The following PPFIBP2 variants were observed in gnomAD, a reference collection of about 807,000 sequenced individuals.
PPFIBP2 encodes the protein PPFIB scaffold protein 2.
Under a neutral mutation model 118.3 loss-of-function variants are expected in PPFIBP2, and 118 were observed. The observed-to-expected ratio is 1.00, with a 90% confidence interval of 0.86 to 1.16. The LOEUF (loss-of-function observed/expected upper bound fraction) is 1.16, where lower values mean the gene tolerates loss of function less well. Ranked by LOEUF, PPFIBP2 falls within the 50% of genes most tolerant of loss-of-function variation. The pLI, the probability that PPFIBP2 is intolerant of heterozygous loss-of-function variation, is 0.00. For missense variants in PPFIBP2, 1,195 were observed against 1,073.1 expected, an observed-to-expected ratio of 1.11 and a Z score of -1.59; for synonymous variants, 414 against 397.4, an observed-to-expected ratio of 1.04 and a Z score of -0.50.
At position 7,641,626 on chromosome 11, in the gene PPFIBP2, T is replaced by C; in HGVS notation, c.1517+6T>C. Reference sequence around the variant, plus strand: ...ATTAAGAAGTTCTGGGGAAAGTAAGTTGGTGCCGTTGATCCTAATTATATT... The same window carrying C: ...ATTAAGAAGTTCTGGGGAAAGTAAGCTGGTGCCGTTGATCCTAATTATATT... On this transcript the variant is annotated splice_donor_region_variant and intron_variant, in intron 16 of 23. Coordinates refer to ENST00000299492, the MANE Select transcript of PPFIBP2 (RefSeq NM_003621.5). The C allele has an allele frequency of 1.2e-6, 2 of 1,613,498 alleles. No individual in the cohort carries two copies. Among genetic ancestry groups the C allele is most frequent in the Non-Finnish European group, 1.7e-6 (2 of 1,179,532 alleles).
intron 2 of PPFIBP2, among the ~76,000 whole-genome samples, chr11:7,562,052 A>C (rs1047460157): frequency 1.3e-5 from 2 of 152,208 alleles, no homozygotes; most frequent in African/African-American, 4.8e-5. Flanking sequence ...GGAGTGAGCA[A>C]CCTAGATCCC....
At chr11:7,638,789 T>C (rs1851758778) in intron 14 of PPFIBP2, among the ~76,000 whole-genome samples, 1 of 152,198 alleles carries the variant, frequency 6.6e-6, no homozygotes, top group Non-Finnish European at 1.5e-5. Flanking sequence ...AGAGAGGCCA[T>C]TGTATGCCTC....
At chr11:7,519,532 A>C (rs978090674) in intron 1 of PPFIBP2, among the ~76,000 whole-genome samples, 1 of 152,218 alleles carries the variant, frequency 6.6e-6, no homozygotes, top group African/African-American at 2.4e-5. Flanking sequence ...AATTGCAAAA[A>C]AAGAAAAGGC....
chr11:7,666,820 C>T, the PPFIBP2 span: 4 of 313,634 alleles, frequency 1.3e-5, no homozygotes, highest in Admixed American at 4.5e-5. Flanking sequence ...CTAGAAGGAC[C>T]TTAGCCAAGC....
At chr11:7,559,453 G>T (rs1854049953) in intron 2 of PPFIBP2, among the ~76,000 whole-genome samples, 1 of 152,108 alleles carries the variant, frequency 6.6e-6, no homozygotes, top group African/African-American at 2.4e-5. Flanking sequence ...TGGGCTTTAG[G>T]TGTTGCACTA....
intron 2 of PPFIBP2, among the ~76,000 whole-genome samples, chr11:7,558,712 C>A (rs9988911): frequency 6.6e-6 from 1 of 150,978 alleles, no homozygotes; most frequent in Non-Finnish European, 1.5e-5. Flanking sequence ...GCTGAGATCA[C>A]GCCACTGCAC....
chr11:7,641,845 A>G, intron 16 of PPFIBP2: 1 of 561,350 alleles, frequency 1.8e-6, no homozygotes, highest in Non-Finnish European at 3.1e-6. Flanking sequence ...CATGCATCCT[A>G]AGCACCCACC....
At position 7,634,566 on chromosome 11, in the gene PPFIBP2, C is replaced by T. The variant is rs777523155; in HGVS notation, c.1194+14C>T. 6.2e-7 allele frequency: 1 copy of T among 1,606,780 alleles called. No homozygotes were observed. Among genetic ancestry groups the T allele is most frequent in the South Asian group, 1.1e-5 (1 of 90,930 alleles). On this transcript the variant is annotated intron_variant, in intron 13 of 23. Transcript: ENST00000299492. ...TCTGTGGATAAGGTCGGCTCATCAA[C>T]CTATCCTTAAAGATGACTGAGTTAC...
chr11:7,599,659 C>G lies in PPFIBP2; in HGVS notation c.486+1986C>G, dbSNP rs1477218318. ...TTTTTTTTTTTTTTTGAGACGGAGT[C>G]TTTCTCAGTTGCCCAGGCTGGAGTG... On this transcript the variant is annotated intron_variant, in intron 5 of 23. Coordinates refer to ENST00000299492, the MANE Select transcript of PPFIBP2 (RefSeq NM_003621.5). Among the ~76,000 whole-genome samples the G allele has an allele frequency of 7.9e-5, 11 of 139,142 alleles. No individual in the cohort carries two copies. In the Admixed American group the frequency reaches 8.3e-4, roughly 11 times the overall value. 91.3% of individuals were successfully genotyped at this position (139,142 alleles called of 152,430 possible).
intron 10 of PPFIBP2, 96 bp downstream of exon 10, chr11:7,629,630 G>GT (rs1210496714): frequency 8.3e-7 from 1 of 1,212,108 alleles, no homozygotes; most frequent in Non-Finnish European, 1.2e-6. Context: ...TTTCACCTCT[G>GT]TTTCAGAGAA....
At chr11:7,642,878 C>CAG (rs1852412720) in intron 17 of PPFIBP2, among the ~76,000 whole-genome samples, 2 of 152,120 alleles carry the variant, frequency 1.3e-5, no homozygotes, top group Non-Finnish European at 2.9e-5. Flanking sequence ...GCATCCCCTG[C>CAG]GGAAGGGAGT....
At chr11:7,597,182 C>G in intron 4 of PPFIBP2, 1 of 1,469,980 alleles carries the variant, frequency 6.8e-7, no homozygotes, top group Non-Finnish European at 9.0e-7. Context: ...CTCTTCCACA[C>G]GAGGTTGCAG....
intron 4 of PPFIBP2, chr11:7,597,310 A>G: frequency 6.5e-7 from 1 of 1,535,582 alleles, no homozygotes; most frequent in South Asian, 1.2e-5. Flanking sequence ...TTTACTCTTG[A>G]GTCTATCAAG....
intron 6 of PPFIBP2, among the ~76,000 whole-genome samples, chr11:7,614,158 T>C (rs892855076): frequency 1.7e-4 from 26 of 152,190 alleles, no homozygotes; most frequent in African/African-American, 5.8e-4. Flanking sequence ...ATTTACTCAT[T>C]TGCATCAGTG....
At chr11:7,579,413 G>A (rs775670411) in intron 3 of PPFIBP2, among the ~76,000 whole-genome samples, 8 of 152,104 alleles carry the variant, frequency 5.3e-5, no homozygotes, top group Non-Finnish European at 1.2e-4. Flanking sequence ...ATGACCAGAC[G>A]TTTTGGCAAA....
intron 1 of PPFIBP2, among the ~76,000 whole-genome samples, chr11:7,542,022 T>A (rs1402330087): frequency 1.3e-5 from 2 of 152,214 alleles, no homozygotes; most frequent in African/African-American, 4.8e-5. Flanking sequence ...TTTCCTGTGT[T>A]CACTGCTGCG....
chr11:7,633,231 G>C (rs1229860848), intron 12 of PPFIBP2, among the ~76,000 whole-genome samples: 2 of 152,208 alleles, frequency 1.3e-5, no homozygotes, highest in Non-Finnish European at 2.9e-5. Context: ...GCTCCTCAGA[G>C]CTGAGAGCAT....
At chr11:7,568,699 G>A (rs1290624085) in intron 3 of PPFIBP2, among the ~76,000 whole-genome samples, 14 of 152,184 alleles carry the variant, frequency 9.2e-5, no homozygotes, top group African/African-American at 2.4e-5. Flanking sequence ...ACAGACTTCT[G>A]TTAGGTTTGA....
chr11:7,665,727 A>G, the PPFIBP2 span: 1 of 1,192,906 alleles, frequency 8.4e-7, no homozygotes, highest in South Asian at 1.5e-5. Context: ...CCTCTGCAGC[A>G]ATCACCCCAG....
Sources: allele counts gnomAD v4.1 joint callset (sites outside exome capture counted in the v4.1 genomes callset), GRCh38; gene constraint gnomAD v4.1.1; transcripts MANE v1.5; gene names NCBI Gene and HGNC (gene_info 2026-07-23, HGNC 2026-07-21).